Variants in KSR2 observed in about 807,000 individuals in gnomAD.
KSR2 encodes kinase suppressor of ras 2.
In KSR2, 25 loss-of-function variants were observed where a neutral mutation model predicts 107.8. That is an observed-to-expected ratio of 0.23 (90% CI 0.17 to 0.32). The LOEUF (loss-of-function observed/expected upper bound fraction) is 0.32. Among genes scored for constraint, KSR2 ranks in the 10% least tolerant of loss-of-function variants. The pLI, the probability that KSR2 is intolerant of heterozygous loss-of-function variation, is 1.00. For missense variants in KSR2, 887 were observed against 1,268.9 expected (o/e 0.70, Z 4.57); for synonymous variants, 480 against 507.0 (o/e 0.95, Z 0.71).
intron 14 of KSR2, among the ~76,000 whole-genome samples, chr12:117,507,448 T>TC (rs1302353079): frequency 2.0e-5 from 3 of 152,176 alleles, no homozygotes; most frequent in Admixed American, 2.0e-4. Flanking sequence ...ACCAAAGGCT[T>TC]TTACTAGGCT....
chr12:117,508,116 T>C (rs1407109005), intron 14 of KSR2, among the ~76,000 whole-genome samples: 1 of 152,202 alleles, frequency 6.6e-6, no homozygotes. Context: ...TGCCTGTATT[T>C]TCCTTTGAGG....
At chr12:117,560,164 T>C (rs1367777052) in intron 7 of KSR2, among the ~76,000 whole-genome samples, 1 of 152,114 alleles carries the variant, frequency 6.6e-6, no homozygotes, top group Non-Finnish European at 1.5e-5. Context: ...TGGGAACTTT[T>C]CTGGGGCCCC....
At chr12:117,709,956 G>A (rs1886691841) in intron 4 of KSR2, among the ~76,000 whole-genome samples, 1 of 150,034 alleles carries the variant, frequency 6.7e-6, no homozygotes, top group African/African-American at 2.5e-5. Flanking sequence ...GCACTTGATT[G>A]TAAAAAGTCT....
chr12:117,913,855 T>A (rs1264198140), intron 1 of KSR2, among the ~76,000 whole-genome samples: 1 of 152,182 alleles, frequency 6.6e-6, no homozygotes, highest in Non-Finnish European at 1.5e-5. Context: ...TTCTCCACGC[T>A]GGAGTCTCGG....
chr12:117,594,195 G>A (rs550720152), intron 5 of KSR2, among the ~76,000 whole-genome samples: 14 of 152,220 alleles, frequency 9.2e-5, no homozygotes, highest in African/African-American at 2.9e-4. Flanking sequence ...CAGAACAAAG[G>A]GCTGCTGAGA....
chr12:117,595,456 C>T (rs1352304899), intron 5 of KSR2, among the ~76,000 whole-genome samples: 1 of 141,820 alleles, frequency 7.1e-6, no homozygotes, highest in Non-Finnish European at 1.5e-5. Flanking sequence ...GCTCCGCTTC[C>T]CGGGTTCACG....
At chr12:117,566,852 G>A (rs1878524910) in intron 7 of KSR2, among the ~76,000 whole-genome samples, 1 of 152,198 alleles carries the variant, frequency 6.6e-6, no homozygotes, top group Admixed American at 6.5e-5. Flanking sequence ...GTGGCTTCAA[G>A]CATGAACATC....
chr12:117,884,457 C>T (rs890408887), intron 1 of KSR2, among the ~76,000 whole-genome samples: 2 of 152,184 alleles, frequency 1.3e-5, no homozygotes, highest in Admixed American at 1.3e-4. Flanking sequence ...GAACTGAACA[C>T]AGTCTTCTGA....
chr12:117,470,999 T>C (rs930107776), intron 18 of KSR2, among the ~76,000 whole-genome samples, 192 bp downstream of exon 18: 2 of 152,208 alleles, frequency 1.3e-5, no homozygotes, highest in Non-Finnish European at 2.9e-5. Context: ...GGCAGGTACC[T>C]GAAATTGCAG....
intron 14 of KSR2, among the ~76,000 whole-genome samples, chr12:117,516,347 G>T (rs1473264751): frequency 1.3e-5 from 2 of 152,072 alleles, no homozygotes; most frequent in African/African-American, 4.8e-5. Context: ...CTTGGCCAGG[G>T]TGCAAGCCAG....
rs35370019 is a variant in KSR2, at chr12:117,968,307, A to AG, written c.-53dup. ...CCTCCTCCTCCCAGAGAGAAAAAAG[A>AG]GGGGGGGGAGTAGAGGTAGTCTACC... On this transcript the variant is annotated 5_prime_UTR_variant, in exon 1 of 20. Transcript: ENST00000339824. 3.4e-5 allele frequency: 45 copies of AG among 1,325,478 alleles called. 2 individuals carry two copies. Among genetic ancestry groups the AG allele is most frequent in the Middle Eastern group, 5.8e-4 (2 of 3,464 alleles). 82.1% of individuals were successfully genotyped at this position (1,325,478 alleles called of 1,614,324 possible). A position where few individuals can be genotyped will look rare whatever the true frequency, so the allele number is the denominator to read the frequency against.
intron 1 of KSR2, among the ~76,000 whole-genome samples, chr12:117,868,521 C>A (rs557603386): frequency 2.0e-5 from 3 of 152,040 alleles, no homozygotes; most frequent in Non-Finnish European, 2.9e-5. Context: ...GTCACACATG[C>A]ATTATTTCAA....
intron 10 of KSR2, among the ~76,000 whole-genome samples, chr12:117,536,952 C>T (rs1005141363): frequency 6.6e-6 from 1 of 152,232 alleles, no homozygotes; most frequent in Non-Finnish European, 1.5e-5. Flanking sequence ...GTGGTTCACA[C>T]CTGTAATCCC....
At chr12:117,510,380 C>T (rs752145358) in intron 14 of KSR2, among the ~76,000 whole-genome samples, 1 of 152,176 alleles carries the variant, frequency 6.6e-6, no homozygotes, top group Non-Finnish European at 1.5e-5. Flanking sequence ...ACAGTTACCT[C>T]TACATGATAG....
At chr12:117,822,916 A>G (rs558518023) in intron 3 of KSR2, among the ~76,000 whole-genome samples, 9 of 152,334 alleles carry the variant, frequency 5.9e-5, no homozygotes, top group Admixed American at 4.6e-4. Context: ...TACTACCAAG[A>G]AAAAGAAAAG....
chr12:117,578,809 G>C (rs2136235375), intron 7 of KSR2, among the ~76,000 whole-genome samples: 1 of 152,152 alleles, frequency 6.6e-6, no homozygotes, highest in East Asian at 1.9e-4. Context: ...TTTACTATCT[G>C]GTCAACTCGA....
chr12:117,634,375 A>G (rs143153571), intron 5 of KSR2, among the ~76,000 whole-genome samples: 1 of 152,316 alleles, frequency 6.6e-6, no homozygotes, highest in East Asian at 1.9e-4. Flanking sequence ...TGCATGCATC[A>G]GATCCTCTGT....
chr12:117,603,637 A>C (rs925994339), intron 5 of KSR2, among the ~76,000 whole-genome samples: 1 of 152,262 alleles, frequency 6.6e-6, no homozygotes, highest in Non-Finnish European at 1.5e-5. Context: ...AAGTTTAGCC[A>C]TCAATGCTGC....
chr12:117,819,816 G>C (rs891488407), intron 3 of KSR2, among the ~76,000 whole-genome samples: 1 of 151,972 alleles, frequency 6.6e-6, no homozygotes, highest in South Asian at 2.1e-4. Context: ...TATTAAGCGT[G>C]ATATTTTCAA....
Sources: allele counts gnomAD v4.1 joint callset (sites outside exome capture counted in the v4.1 genomes callset), GRCh38; gene constraint gnomAD v4.1.1; transcripts MANE v1.5; gene names NCBI Gene and HGNC (gene_info 2026-07-23, HGNC 2026-07-21).